Variants in EARS2 observed in about 807,000 individuals in gnomAD.
The protein encoded by EARS2 is glutamyl-tRNA synthetase 2, mitochondrial, also known as nondiscriminating glutamyl-tRNA synthetase EARS2, mitochondrial.
In EARS2, 50 loss-of-function variants were observed where a neutral mutation model predicts 54.1. The observed-to-expected ratio is 0.92, with a 90% CI of 0.74 to 1.17. EARS2 has a LOEUF of 1.17. Ranked by LOEUF, EARS2 falls within the 50% of genes most tolerant of loss-of-function variation. EARS2 has a pLI of 0.00. For synonymous variants in EARS2, 298 were observed against 281.0 expected (o/e 1.06, Z -0.61); for missense variants, 673 against 675.0 (o/e 1.00, Z 0.03).
At chr16:23,526,326 G>A (rs1002651719) in intron 7 of EARS2, among the ~76,000 whole-genome samples, 4 of 151,846 alleles carry the variant, frequency 2.6e-5, no homozygotes, top group South Asian at 2.1e-4. Flanking sequence ...TGATCAGGCC[G>A]GTCTCAAACA....
chr16:23,546,342 T>A (rs1182252250), intron 2 of EARS2: 1 of 454,830 alleles, frequency 2.2e-6, no homozygotes, highest in South Asian at 1.6e-5. Flanking sequence ...CCCTCAATGC[T>A]AACACAAACT....
chr16:23,536,375 T>C (rs1441483734), intron 3 of EARS2, among the ~76,000 whole-genome samples: 4 of 152,096 alleles, frequency 2.6e-5, no homozygotes, highest in African/African-American at 9.7e-5. Context: ...GAGGTCAAGG[T>C]AGAAGGACAG....
chr16:23,552,015 A>G, intron 2 of EARS2, 134 bp downstream of exon 2: 1 of 1,078,934 alleles, frequency 9.3e-7, no homozygotes, highest in South Asian at 1.6e-5. Context: ...CACCCCGGGC[A>G]GGGCAGTACA....
At chr16:23,526,738 C>T (rs188887647) in intron 7 of EARS2, among the ~76,000 whole-genome samples, 1 of 152,250 alleles carries the variant, frequency 6.6e-6, no homozygotes, top group Non-Finnish European at 1.5e-5. Flanking sequence ...ATTGAAGCCT[C>T]TAGGATTCCA....
At chr16:23,544,958 C>T in intron 2 of EARS2, 1 of 373,762 alleles carries the variant, frequency 2.7e-6, no homozygotes, top group Admixed American at 4.3e-5. Flanking sequence ...TCTCCTGCCT[C>T]AGCCTCCCGA....
chr16:23,552,388 A>T, intron 1 of EARS2, 84 bp from the exon 2 acceptor site: 1 of 1,432,932 alleles, frequency 7.0e-7, no homozygotes. Flanking sequence ...ACTGTGACAG[A>T]ATGTTGCAAT....
intron 4 of EARS2, among the ~76,000 whole-genome samples, chr16:23,534,108 A>G (rs1451653994): frequency 1.3e-5 from 2 of 151,914 alleles, no homozygotes; most frequent in African/African-American, 2.4e-5. Flanking sequence ...TCTTGTGAGC[A>G]GCAGCTCAGT....
rs1965289951 is a variant in EARS2 at position 23,529,641 on chromosome 16, G to C, written c.1222-9C>G. The C allele has an allele frequency of 6.2e-7, 1 of 1,613,896 alleles. No individual in the cohort carries two copies. Among genetic ancestry groups the C allele is most frequent in the Non-Finnish European group, 8.5e-7 (1 of 1,179,922 alleles). On this transcript the variant is annotated splice_polypyrimidine_tract_variant and intron_variant, in intron 6 of 8. Transcript: ENST00000449606. ...AGGCGGCAAATGTGACCCTGGGGAA[G>C]GAGGCAGTCATTGAATGCACTAGGG...
intron 2 of EARS2, among the ~76,000 whole-genome samples, 157 bp downstream of exon 2, chr16:23,551,992 A>C (rs574751897): frequency 6.6e-6 from 1 of 152,178 alleles, no homozygotes; most frequent in Non-Finnish European, 1.5e-5. Context: ...GCATTTTTTC[A>C]GGTGTCATCT....
intron 1 of EARS2, among the ~76,000 whole-genome samples, chr16:23,554,102 C>G (rs1439530848): frequency 6.6e-6 from 1 of 152,082 alleles, no homozygotes; most frequent in African/African-American, 2.4e-5. Context: ...CTCAACCACC[C>G]AGGCTCAATC....
intron 1 of EARS2, among the ~76,000 whole-genome samples, chr16:23,555,677 T>G (rs1306945413): frequency 6.6e-6 from 1 of 152,190 alleles, no homozygotes; most frequent in Non-Finnish European, 1.5e-5. Context: ...AAACTGAGAG[T>G]AAAGGTTTAG....
upstream of EARS2, chr16:23,557,367 G>C (rs1965820393): frequency 1.3e-6 from 2 of 1,536,860 alleles, no homozygotes; most frequent in Non-Finnish European, 1.7e-6. Context: ...GCACACGTGG[G>C]CTTCTCCCTG....
intron 3 of EARS2, among the ~76,000 whole-genome samples, chr16:23,536,661 C>CA (rs999172537): frequency 5.2e-4 from 60 of 116,418 alleles, no homozygotes; most frequent in Admixed American, 9.0e-4. Context: ...GACCCTGTCT[C>CA]AAAAAAAAAA....
intron 7 of EARS2, among the ~76,000 whole-genome samples, chr16:23,527,754 C>T (rs1161574547): frequency 1.3e-5 from 2 of 151,986 alleles, no homozygotes; most frequent in Non-Finnish European, 2.9e-5. Flanking sequence ...GGGGTTTCAC[C>T]GTGTTAGCCA....
rs766628994 is a variant in EARS2, at chr16:23,544,497, C to T, written c.485+17G>A. 1.4e-5 allele frequency: 22 copies of T among 1,608,002 alleles called. No homozygotes were observed. Among genetic ancestry groups the T allele is most frequent in the Non-Finnish European group, 1.9e-5 (22 of 1,176,336 alleles). ...CCCAATGTTGATGAGGCATCTGCAA[C>T]AAGCTGAGGTTCTTACCGGGGCGTC... On this transcript the variant is annotated intron_variant, in intron 3 of 8. Coordinates refer to ENST00000449606, the MANE Select transcript of EARS2 (RefSeq NM_001083614.2).
intron 3 of EARS2, among the ~76,000 whole-genome samples, chr16:23,537,798 T>C (rs1252335110): frequency 2.0e-5 from 3 of 150,388 alleles, no homozygotes; most frequent in African/African-American, 2.4e-5. Context: ...TTCTTTCTTT[T>C]TTTTTTTTTT....
At chr16:23,532,811 C>T (rs200929766) in intron 4 of EARS2, 46 bp from the exon 5 acceptor site, 1 of 1,354,336 alleles carries the variant, frequency 7.4e-7, no homozygotes, top group Admixed American at 1.8e-5. Context: ...CTCTCCCTTC[C>T]TCCTTCCACT....
chr16:23,534,554 G>A (rs1965381086), intron 4 of EARS2, among the ~76,000 whole-genome samples: 1 of 152,132 alleles, frequency 6.6e-6, no homozygotes, highest in Admixed American at 6.6e-5. Flanking sequence ...AGTGTGACAG[G>A]TGCTGGGCTG....
Position 23,557,215 on chromosome 16 carries a change from G to A in EARS2, c.129C>T (p.Pro43=), listed in dbSNP as rs1379561389. 1 of 1,515,672 alleles carries A rather than the reference G, an allele frequency of 6.6e-7. No homozygotes were observed. The highest frequency in any genetic ancestry group is 8.8e-7 in the Non-Finnish European group (1 of 1,140,468). The allele number at this position is 1,515,672 out of a possible 1,614,324, so 93.9% of individuals were successfully genotyped here. A position where few individuals can be genotyped will look rare whatever the true frequency, so the allele number is the denominator to read the frequency against. Residue 43 remains proline, a synonymous_variant, in exon 1 of 9, where the codon CCC becomes CCT. Transcript: ENST00000449606. ...GTCCGCCAGGGTTACCTGTGGGGCTGGGAGCGAACCGCACTCGCACCGCAA... is the reference window on the plus strand; with the variant it reads ...GTCCGCCAGGGTTACCTGTGGGGCTAGGAGCGAACCGCACTCGCACCGCAA... ...AGVAVRVRFA[P]SPTGFLHLGG... is the part of the protein sequence containing the mutation.
Sources: allele counts gnomAD v4.1 joint callset (sites outside exome capture counted in the v4.1 genomes callset), GRCh38; gene constraint gnomAD v4.1.1; transcripts MANE v1.5; gene names NCBI Gene and HGNC (gene_info 2026-07-23, HGNC 2026-07-21).